RTF1: variants seen among roughly 807,000 people sequenced by gnomAD.
RTF1 encodes the protein RTF1 homolog, Paf1/RNA polymerase II complex component, also known as RNA polymerase-associated protein RTF1 homolog.
In RTF1, 10 loss-of-function variants were observed where a neutral mutation model predicts 95.7. The observed-to-expected ratio is 0.10, with a 90% confidence interval of 0.06 to 0.18. RTF1 has a LOEUF of 0.18. Among genes scored for constraint, RTF1 ranks in the 10% least tolerant of loss-of-function variants. The pLI is 1.00. For missense variants in RTF1, 458 were observed against 875.6 expected (o/e 0.52, Z 6.02); for synonymous variants, 305 against 311.8 (o/e 0.98, Z 0.23).
intron 17 of RTF1, 61 bp downstream of exon 17, chr15:41,480,386 G>A: frequency 1.6e-6 from 2 of 1,254,412 alleles, no homozygotes; most frequent in African/African-American, 1.5e-5. Flanking sequence ...GGTTTTCTGG[G>A]GCAACAAGGA....
chr15:41,451,714 G>GC (rs1327240286), intron 2 of RTF1, among the ~76,000 whole-genome samples: 1 of 152,134 alleles, frequency 6.6e-6, no homozygotes, highest in Non-Finnish European at 1.5e-5. Flanking sequence ...TGTGCTTTCT[G>GC]CAGTTTTCTC....
At chr15:41,441,289 T>C (rs561898261) in intron 2 of RTF1, among the ~76,000 whole-genome samples, 11 of 152,270 alleles carry the variant, frequency 7.2e-5, no homozygotes, top group South Asian at 2.1e-4. Context: ...ACTATTCTTA[T>C]AGCTACTTTT....
At chr15:41,464,248 TTCTC>T (rs539822159) in intron 4 of RTF1, among the ~76,000 whole-genome samples, 5 of 151,298 alleles carry the variant, frequency 3.3e-5, no homozygotes, top group African/African-American at 9.7e-5. Flanking sequence ...TATGTTCTCT[TTCTC>T]TCTCTTTTTT....
At chr15:41,469,081 A>G (rs1047662129) in intron 6 of RTF1, among the ~76,000 whole-genome samples, 3 of 150,908 alleles carry the variant, frequency 2.0e-5, no homozygotes, top group Non-Finnish European at 3.0e-5. Flanking sequence ...CGATTCTCCC[A>G]CCTCAGCCTC....
At chr15:41,431,933 T>C (rs954061136) in intron 1 of RTF1, among the ~76,000 whole-genome samples, 2 of 151,958 alleles carry the variant, frequency 1.3e-5, no homozygotes, top group Non-Finnish European at 2.9e-5. Context: ...CCCGAGTAGC[T>C]AGACTACAGG....
chr15:41,474,600 G>T lies in RTF1; in HGVS notation c.1204-20G>T, dbSNP rs747658731. On this transcript the variant is annotated intron_variant, in intron 8 of 17. Coordinates refer to ENST00000389629, the MANE Select transcript of RTF1 (RefSeq NM_015138.5). ...CCGGAAGAGTCTGGTTTTGACTGGC[G>T]TCTCTGTCCTCTCACTTAGGTCGCT... 1.3e-6 allele frequency: 2 copies of T among 1,588,806 alleles called. No homozygotes were observed. Among genetic ancestry groups the T allele is most frequent in the East Asian group, 2.2e-5 (1 of 44,756 alleles).
intron 1 of RTF1, among the ~76,000 whole-genome samples, chr15:41,432,101 A>G (rs1230605611): frequency 6.7e-6 from 1 of 149,400 alleles, no homozygotes; most frequent in African/African-American, 2.5e-5. Flanking sequence ...GCCTGGCCAT[A>G]CTATTGTTAA....
At chr15:41,470,837 T>C (rs1352910576) in intron 7 of RTF1, among the ~76,000 whole-genome samples, 1 of 151,930 alleles carries the variant, frequency 6.6e-6, no homozygotes, top group African/African-American at 2.4e-5. Context: ...TTTTTGTATT[T>C]TTAATAGAGA....
chr15:41,431,139 C>T (rs1301420683), intron 1 of RTF1, among the ~76,000 whole-genome samples: 3 of 150,882 alleles, frequency 2.0e-5, no homozygotes, highest in East Asian at 3.9e-4. Context: ...CTCCTGACCT[C>T]GTGATCTGCC....
In RTF1 at chr15:41,464,796, A is replaced by T; in HGVS notation, c.688A>T (p.Thr230Ser). The part of the protein sequence containing the change: ...RRFEIKKKLK[T>S]AKKKEKKEKK... ...ATTTGAAATCAAGAAAAAACTAAAA[A>T]CAGCCAAAAAGAAAGAAAAGAAAGA... is the stretch of plus-strand genomic sequence containing the variant. Residue 230 changes from threonine (T) to serine (S), a missense_variant, in exon 5 of 18, where the codon ACA (threonine) becomes TCA (serine). Physicochemically the swap from Thr to Ser is moderately conservative, Grantham distance 58. Transcript: ENST00000389629. 1 of 1,574,844 alleles carries T rather than the reference A, an allele frequency of 6.3e-7. No homozygotes were observed. The highest frequency in any genetic ancestry group is 1.7e-4 in the Middle Eastern group (1 of 5,834).
rs943287687 is a variant in RTF1 at position 41,480,985 on chromosome 15, T to C, written c.*298T>C. 2.8e-6 allele frequency: 1 copy of C among 354,782 alleles called. No homozygotes were observed. Among genetic ancestry groups the C allele is most frequent in the African/African-American group, 2.1e-5 (1 of 48,480 alleles). 22.0% of individuals were successfully genotyped at this position (354,782 alleles called of 1,614,324 possible). A position where few individuals can be genotyped will look rare whatever the true frequency, so the allele number is the denominator to read the frequency against. ...TTTGTTTTTTTAACCGCGCAGTTCA[T>C]TGGCCACTCTGCACGCATTCAGTAT... On this transcript the variant is annotated 3_prime_UTR_variant, in exon 18 of 18. Coordinates refer to ENST00000389629, the MANE Select transcript of RTF1 (RefSeq NM_015138.5).
At chr15:41,449,747 C>T (rs952035629) in intron 2 of RTF1, among the ~76,000 whole-genome samples, 1 of 151,932 alleles carries the variant, frequency 6.6e-6, no homozygotes, top group Non-Finnish European at 1.5e-5. Context: ...GGGAATATCA[C>T]TTGAGCCCAG....
At chr15:41,480,517 T>C in intron 17 of RTF1, 64 bp from the exon 18 acceptor site, 1 of 1,216,028 alleles carries the variant, frequency 8.2e-7, no homozygotes, top group South Asian at 1.2e-5. Context: ...CCTGCAGGAG[T>C]GTAGCACAGG....
At chr15:41,435,867 T>C (rs1336017025) in intron 1 of RTF1, among the ~76,000 whole-genome samples, 1 of 152,204 alleles carries the variant, frequency 6.6e-6, no homozygotes, top group African/African-American at 2.4e-5. Flanking sequence ...TTCTCTCTTT[T>C]GGCAGAAGGG....
intron 8 of RTF1, among the ~76,000 whole-genome samples, chr15:41,472,554 C>T (rs1433464584): frequency 1.4e-5 from 2 of 138,988 alleles, no homozygotes; most frequent in Non-Finnish European, 1.6e-5. Context: ...AGTCTTACCC[C>T]GTTGCCCAGG....
intron 4 of RTF1, among the ~76,000 whole-genome samples, chr15:41,460,243 C>T (rs1387494683): frequency 6.6e-6 from 1 of 151,716 alleles, no homozygotes; most frequent in Non-Finnish European, 1.5e-5. Flanking sequence ...CTGCCTCAGC[C>T]TCCCAAGCAG....
chr15:41,471,137 G>C, intron 7 of RTF1, 35 bp from the exon 8 acceptor site: 1 of 1,552,872 alleles, frequency 6.4e-7, no homozygotes, highest in Non-Finnish European at 8.7e-7. Flanking sequence ...TTTTTATGAT[G>C]AACATTTTTT....
At chr15:41,475,450 G>A in intron 9 of RTF1, 75 bp from the exon 10 acceptor site, 1 of 1,134,056 alleles carries the variant, frequency 8.8e-7, no homozygotes, top group Non-Finnish European at 1.3e-6. Flanking sequence ...GTGGTACATA[G>A]TCTGGTAAGG....
chr15:41,470,365 G>A lies in RTF1; in HGVS notation c.998G>A (p.Arg333Gln), dbSNP rs201424243. 3.5e-4 allele frequency: 569 copies of A among 1,613,850 alleles called. No individual in the cohort carries two copies. The highest frequency in any genetic ancestry group is 4.2e-4 in the Non-Finnish European group (492 of 1,179,920). ...AGTGAAAAGTCAGACCGCTCATCAC[G>A]AACATCATCGTCTGATGAAGAAGAG... ...KSSEKSDRSSRTSSSDEEEEK... is the reference protein window; with the variant it reads ...KSSEKSDRSSQTSSSDEEEEK... Residue 333 changes from arginine to glutamine, a missense_variant, in exon 7 of 18, where the codon CGA (arginine) becomes CAA (glutamine). This residue lies in a region of RTF1 where 150 missense variants were observed against 275.7 expected (regional missense o/e 0.54). Transcript: ENST00000389629.
Sources: gnomAD v4.1 joint callset for allele counts (sites outside exome capture counted in the v4.1 genomes callset) on GRCh38, gnomAD v4.1.1 for gene constraint, gnomAD v4.1.1 regional missense constraint, MANE v1.5 for transcripts, NCBI Gene and HGNC (gene_info 2026-07-23, HGNC 2026-07-21) for gene names.